The following KMT2D variants were observed in gnomAD, a reference collection of about 807,000 sequenced individuals.
KMT2D encodes histone-lysine N-methyltransferase 2D.
Under a neutral mutation model 512.7 loss-of-function variants are expected in KMT2D, and 55 were observed. That is an observed-to-expected ratio of 0.11 (90% CI 0.09 to 0.13). The LOEUF (loss-of-function observed/expected upper bound fraction) is 0.13, where lower values mean the gene tolerates loss of function less well. KMT2D is among the 10% of genes least tolerant of loss of function. The pLI is 1.00. For missense variants in KMT2D, 6,061 were observed against 7,127.9 expected (o/e 0.85, Z 5.39); for synonymous variants, 2,995 against 2,904.0 (o/e 1.03, Z -1.01).
Position 49,041,758 on chromosome 12 carries a change from C to T in KMT2D, c.6184-53G>A. On this transcript the variant is annotated intron_variant, in intron 30 of 54. Transcript: ENST00000301067. The surrounding 1 kb of genome is among the most constrained non-coding windows in gnomAD (Gnocchi z 5.4). ...GCCTAGTGCTTGGTCTCATGCCCCG[C>T]CCCCATACTGTAGTGTTTTCACACT... 1 of 1,566,970 alleles carries T rather than the reference C, an allele frequency of 6.4e-7. No homozygotes were observed. The highest frequency in any genetic ancestry group is 8.7e-7 in the Non-Finnish European group (1 of 1,151,598).
chr12:49,050,154 G>A lies in KMT2D; in HGVS notation c.3434C>T (p.Ala1145Val), dbSNP rs774555475. The part of the protein sequence containing the change: ...PEPGQTPGSL[A>V]SELKGSPVLL... ...CACAGGGGAGCCTTTAAGTTCACTA[G>A]CCAAACTGCCAGGGGTCTGTCCAGG... is the stretch of plus-strand genomic sequence containing the variant. The change falls in exon 12 of 55, where the codon GCT becomes GTT. Residue 1145 changes from alanine to valine, a missense_variant. By Grantham distance (64) the Ala-to-Val change is moderately conservative. Around this residue, in one of 16 missense-constraint regions of KMT2D, gnomAD observed 447 missense variants for 500.1 expected, o/e 0.89. Coordinates refer to ENST00000301067, the MANE Select transcript of KMT2D (RefSeq NM_003482.4). 39 of 1,613,522 alleles carry A rather than the reference G, an allele frequency of 2.4e-5. No individual in the cohort carries two copies. The South Asian group carries it at 3.8e-4, about 16-fold the overall frequency.
chr12:49,051,150 G>A lies in KMT2D; in HGVS notation c.2533C>T (p.Arg845Trp), dbSNP rs746841307. The A allele has an allele frequency of 2.4e-5, 37 of 1,512,172 alleles. No individual in the cohort carries two copies. In the Admixed American group the frequency reaches 2.6e-4, roughly 11 times the overall value. The allele number at this position is 1,512,172 out of a possible 1,614,324, so 93.7% of individuals were successfully genotyped here. Residue 845 changes from arginine to tryptophan, a missense_variant, in exon 11 of 55, where the codon CGG becomes TGG. Arg to Trp is a moderately radical substitution (Grantham distance 101). Around this residue, in one of 16 missense-constraint regions of KMT2D, gnomAD observed 848 missense variants for 838.5 expected, o/e 1.01. Coordinates refer to ENST00000301067, the MANE Select transcript of KMT2D (RefSeq NM_003482.4). Reference protein sequence around the residue: ...PQSEEPCLSPRPEESHLSPEL... With the variant: ...PQSEEPCLSPWPEESHLSPEL... ...GGGGACAGATGCGATTCCTCAGGCC[G>A]GGGGGACAGGCATGGCTCCTCAGAC...
At chr12:49,030,540 T>C (rs987006408) in intron 42 of KMT2D, 61 bp downstream of exon 42, 1 of 1,502,964 alleles carries the variant, frequency 6.7e-7, no homozygotes, top group Non-Finnish European at 8.9e-7. Context: ...AAGTTTTCTA[T>C]TCCCACCCTC....
At chr12:49,058,738 T>G (rs1938559936) in intron 1 of KMT2D, among the ~76,000 whole-genome samples, 1 of 152,144 alleles carries the variant, frequency 6.6e-6, no homozygotes, top group Non-Finnish European at 1.5e-5. Context: ...AAAAAAGGGT[T>G]GGAGAGGTCT....
At position 49,022,581 on chromosome 12, in the gene KMT2D, A is replaced by G; in HGVS notation, c.16338+9T>C. The G allele has an allele frequency of 6.2e-7, 1 of 1,610,944 alleles. No individual in the cohort carries two copies. The highest frequency in any genetic ancestry group is 8.5e-7 in the Non-Finnish European group (1 of 1,177,686). ...TATGCACCACAATGGCCCCTCTGCC[A>G]GCTCATACCTGCTCTTCGTAGATTT... On this transcript the variant is annotated intron_variant, in intron 52 of 54. Transcript: ENST00000301067. The surrounding 1 kb of genome is among the most constrained non-coding windows in gnomAD (Gnocchi z 8.6).
rs770013329 is a variant in KMT2D at position 49,026,144 on chromosome 12, C to T, written c.15784+38G>A. The stretch of plus-strand genomic sequence containing the variant: ...ACAGTGACCCTGGGAGAAACTTTTC[C>T]CATTCCATATTATCCATTTCAAGGG... On this transcript the variant is annotated intron_variant, in intron 49 of 54. Transcript: ENST00000301067. This position sits in a 1 kb window ranked among gnomAD's most constrained non-coding sequence, Gnocchi z 9.6. 1 of 1,517,226 alleles carries T rather than the reference C, an allele frequency of 6.6e-7. No individual in the cohort carries two copies. The highest frequency in any genetic ancestry group is 1.3e-5 in the South Asian group (1 of 76,016). The allele number at this position is 1,517,226 out of a possible 1,614,324, so 94.0% of individuals were successfully genotyped here. A position where few individuals can be genotyped will look rare whatever the true frequency, so the allele number is the denominator to read the frequency against.
rs774591142 is a variant in KMT2D at position 49,053,090 on chromosome 12, G to T, written c.955-18C>A. The T allele has an allele frequency of 1.9e-6, 3 of 1,613,806 alleles. No individual in the cohort carries two copies. The African/African-American group carries it at 4.0e-5, about 22-fold the overall frequency. On this transcript the variant is annotated intron_variant, in intron 8 of 54. Transcript: ENST00000301067. Reference sequence around the variant, plus strand: ...CGGCACGCCTAAGGGAAGGGAGTGGGCAAAACAGGCATTGGTCAGACAGCA... The same window carrying T: ...CGGCACGCCTAAGGGAAGGGAGTGGTCAAAACAGGCATTGGTCAGACAGCA...
Position 49,054,954 on chromosome 12 carries a change from A to G in KMT2D, c.122T>C (p.Val41Ala). Residue 41 changes from valine (V) to alanine (A), a missense_variant, in exon 3 of 55, where the codon GTC (valine) becomes GCC (alanine). By Grantham distance (64) the Val-to-Ala change is moderately conservative. Around this residue, in one of 16 missense-constraint regions of KMT2D, gnomAD observed 144 missense variants for 165.7 expected, o/e 0.87. Coordinates refer to ENST00000301067, the MANE Select transcript of KMT2D (RefSeq NM_003482.4). This position sits in a 1 kb window ranked among gnomAD's most constrained non-coding sequence, Gnocchi z 6.4. ...SDLPNPHVGE[V>A]SVLSSGSPRL... ...GGGACTCCCAGAACTAAGGACAGAGACCTCTCCCACATGTGGGTTGGGCAG... is the reference window on the plus strand; with the variant it reads ...GGGACTCCCAGAACTAAGGACAGAGGCCTCTCCCACATGTGGGTTGGGCAG... 6.2e-7 allele frequency: 1 copy of G among 1,613,846 alleles called. No homozygotes were observed. The highest frequency in any genetic ancestry group is 1.1e-5 in the South Asian group (1 of 91,080).
In KMT2D at chr12:49,041,178, G is replaced by C; in HGVS notation, c.6592C>G (p.Pro2198Ala). The change falls in exon 32 of 55, where the codon CCC becomes GCC. Residue 2198 changes from proline (P) to alanine (A), a missense_variant. This residue lies in a region of KMT2D where 710 missense variants were observed against 647.3 expected (regional missense o/e 1.10). Transcript: ENST00000301067. This position sits in a 1 kb window ranked among gnomAD's most constrained non-coding sequence, Gnocchi z 5.4. ...RFPTAPPTYPPYPSPTGAPAQ... is the reference protein window; with the variant it reads ...RFPTAPPTYPAYPSPTGAPAQ... The stretch of plus-strand genomic sequence containing the variant: ...GGGGCCCCCGTAGGACTAGGATAGG[G>C]GGGATAGGTGGGCGGTGCCGTGGGG... The C allele has an allele frequency of 1.3e-6, 2 of 1,518,684 alleles. No homozygotes were observed. The highest frequency in any genetic ancestry group is 1.8e-6 in the Non-Finnish European group (2 of 1,136,290). The allele number at this position is 1,518,684 out of a possible 1,614,324, so 94.1% of individuals were successfully genotyped here.
intron 12 of KMT2D, 22 bp downstream of exon 12, chr12:49,049,660 C>A (rs2120637574): frequency 6.5e-7 from 1 of 1,548,676 alleles, no homozygotes; most frequent in Non-Finnish European, 8.8e-7. Flanking sequence ...TAATCACATC[C>A]CGCAGCTAGA....
rs1942634184 is a variant in KMT2D at position 49,027,045 on chromosome 12, G to A, written c.14921C>T (p.Ser4974Phe). 6.2e-7 allele frequency: 1 copy of A among 1,613,840 alleles called. No homozygotes were observed. Among genetic ancestry groups the A allele is most frequent in the Non-Finnish European group, 8.5e-7 (1 of 1,179,890 alleles). The stretch of plus-strand genomic sequence containing the variant: ...CCATTTCTTGAGGCGAGGAGGACGG[G>A]AATCTTCACCTTCTTCAGGGGGCCG... Reference protein sequence around the residue: ...RARPPEEGEDSRPPRLKKWKG... With the variant: ...RARPPEEGEDFRPPRLKKWKG... The change falls in exon 49 of 55, where the codon TCC becomes TTC. Residue 4974 changes from serine (S) to phenylalanine (F), a missense_variant. Transcript: ENST00000301067.
chr12:49,043,302 CAGCAGAGGGACAGAGGCA>C, intron 25 of KMT2D, 43 bp downstream of exon 25: 1 of 1,573,880 alleles, frequency 6.4e-7, no homozygotes, highest in Non-Finnish European at 8.7e-7. Flanking sequence ...CTCAGGGGCA[CAGCAGAGGGACAGAGGCA>C]AGCAAGGCCA....
rs540837712 is a variant in KMT2D, at chr12:49,027,652, G to A, written c.14643+151C>T. 59 of 968,234 alleles carry A rather than the reference G, an allele frequency of 6.1e-5. No individual in the cohort carries two copies. In the African/African-American group the frequency reaches 8.1e-4, roughly 13 times the overall value. 60.0% of individuals were successfully genotyped at this position (968,234 alleles called of 1,614,324 possible). On this transcript the variant is annotated intron_variant, in intron 48 of 54. Transcript: ENST00000301067. ...TTGTTTTTAGTAGAGACGGGGTTTC[G>A]CCATGTTGGCCAGGCTGGTCTCAAA...
chr12:49,029,419 T>G lies in KMT2D; in HGVS notation c.14057A>C (p.Asn4686Thr), dbSNP rs1188206999. Residue 4686 changes from asparagine to threonine, a missense_variant, in exon 44 of 55, where the codon AAT becomes ACT. Transcript: ENST00000301067. ...LLAALPTPPH[N>T]QTEDVRMESD... ...CCCCTACCTGACATCCTCAGTCTGA[T>G]TGTGAGGGGGTGTAGGCAAGGCAGC... is the stretch of plus-strand genomic sequence containing the variant. 6 of 1,557,652 alleles carry G rather than the reference T, an allele frequency of 3.9e-6. No homozygotes were observed. In the Admixed American group the frequency reaches 9.7e-5, roughly 25 times the overall value.
chr12:49,033,991 G>A (rs1204667504), intron 39 of KMT2D, 27 bp from the exon 40 acceptor site: 1 of 1,551,262 alleles, frequency 6.4e-7, no homozygotes, highest in Admixed American at 1.9e-5. Context: ...GGAGAGGTCA[G>A]GCTGGGGCAT....
chr12:49,033,581 G>C lies in KMT2D; in HGVS notation c.11124C>G (p.Ser3708Arg), dbSNP rs773713199. ...GTAAAAGCCTTGAATCAGGTCCGAG[G>C]CTTCGAAGAGCAAGGTTGCCAGGGA... ...GFFPGNLALRSLGPDSRLLQE... is the reference protein window; with the variant it reads ...GFFPGNLALRRLGPDSRLLQE... The change falls in exon 40 of 55, where the codon AGC (serine) becomes AGG (arginine). Residue 3708 changes from serine (S) to arginine (R), a missense_variant. Physicochemically the swap from Ser to Arg is moderately radical, Grantham distance 110. This residue lies in a region of KMT2D where 1,600 missense variants were observed against 1,754.9 expected (regional missense o/e 0.91). Coordinates refer to ENST00000301067, the MANE Select transcript of KMT2D (RefSeq NM_003482.4). 1.9e-5 allele frequency: 30 copies of C among 1,613,444 alleles called. No homozygotes were observed. In the East Asian group the frequency reaches 6.5e-4, roughly 35 times the overall value.
rs1943702136 is a variant in KMT2D at position 49,044,648 on chromosome 12, A to T, written c.4963+96T>A. 2.6e-6 allele frequency: 4 copies of T among 1,545,886 alleles called. No individual in the cohort carries two copies. The highest frequency in any genetic ancestry group is 3.5e-6 in the Non-Finnish European group (4 of 1,133,306). On this transcript the variant is annotated intron_variant, in intron 20 of 54. Coordinates refer to ENST00000301067, the MANE Select transcript of KMT2D (RefSeq NM_003482.4). This position sits in a 1 kb window ranked among gnomAD's most constrained non-coding sequence, Gnocchi z 6.4. ...CACTTAGACGAGACAGCAGTGCTTA[A>T]GGGTAACTGAGTGGCAATGTAGCCC...
chr12:49,033,525 C>T lies in KMT2D; in HGVS notation c.11180G>A (p.Arg3727His), dbSNP rs777628634. 8.9e-5 allele frequency: 144 copies of T among 1,612,706 alleles called. No individual in the cohort carries two copies. The highest frequency in any genetic ancestry group is 1.6e-4 in the Middle Eastern group (1 of 6,074). Reference sequence around the variant, plus strand: ...CTGCAGTTTCTGGGCCAGCTGCATACGTTGCTGCTGCAGCTGCAGCTGCCT... The same window carrying T: ...CTGCAGTTTCTGGGCCAGCTGCATATGTTGCTGCTGCAGCTGCAGCTGCCT... ...QERQLQLQQQRMQLAQKLQQQ... is the reference protein window; with the variant it reads ...QERQLQLQQQHMQLAQKLQQQ... The change falls in exon 40 of 55, where the codon CGT becomes CAT. Residue 3727 changes from arginine (R) to histidine (H), a missense_variant. Arg to His is a conservative substitution (Grantham distance 29, BLOSUM62 0). Coordinates refer to ENST00000301067, the MANE Select transcript of KMT2D (RefSeq NM_003482.4).
intron 1 of KMT2D, among the ~76,000 whole-genome samples, chr12:49,056,880 C>A (rs1938441239): frequency 6.6e-6 from 1 of 152,210 alleles, no homozygotes; most frequent in African/African-American, 2.4e-5. Flanking sequence ...GCCCTGAACT[C>A]ACCCTTTATT....
Sources: gnomAD v4.1 joint callset for allele counts (sites outside exome capture counted in the v4.1 genomes callset) on GRCh38, gnomAD v4.1.1 for gene constraint, gnomAD v4.1.1 regional missense constraint, Gnocchi (gnomAD v3.1) non-coding constraint, MANE v1.5 for transcripts, NCBI Gene and HGNC (gene_info 2026-07-23, HGNC 2026-07-21) for gene names.